Variants in NGDN observed in about 807,000 individuals in gnomAD.
NGDN encodes EIF4E-binding protein.
Under a neutral mutation model 45.2 loss-of-function variants are expected in NGDN, and 41 were observed. That is an observed-to-expected ratio of 0.91 (90% CI 0.71 to 1.18). The LOEUF (loss-of-function observed/expected upper bound fraction) is 1.18, where lower values mean the gene tolerates loss of function less well. NGDN is among the 50% of genes most tolerant of loss of function. NGDN has a pLI of 0.00. For synonymous variants in NGDN, 137 were observed against 130.9 expected, an observed-to-expected ratio of 1.05 and a Z score of -0.32; for missense variants, 402 against 399.9, an observed-to-expected ratio of 1.01 and a Z score of -0.05.
intron 1 of NGDN, 108 bp from the exon 2 acceptor site, chr14:23,469,934 G>T: frequency 7.7e-7 from 1 of 1,292,976 alleles, no homozygotes. Context: ...AAGGCCCCGA[G>T]TCTGGGTGTC....
chr14:23,469,940 G>A, intron 1 of NGDN, 102 bp from the exon 2 acceptor site: 1 of 1,317,944 alleles, frequency 7.6e-7, no homozygotes, highest in Non-Finnish European at 1.1e-6. Flanking sequence ...CCGAGTCTGG[G>A]TGTCTGACGG....
At chr14:23,476,716 GT>G (rs1404415529) in intron 8 of NGDN, among the ~76,000 whole-genome samples, 1 of 152,186 alleles carries the variant, frequency 6.6e-6, no homozygotes, top group Non-Finnish European at 1.5e-5. Context: ...AAGATTCTGT[GT>G]TTCACTGTCA....
In NGDN at chr14:23,477,187, C is replaced by T. The variant is rs376690454; in HGVS notation, c.714-13C>T. On this transcript the variant is annotated splice_polypyrimidine_tract_variant and intron_variant, in intron 8 of 10. Transcript: ENST00000408901. ...ATGGTCTGAGCCTGCTGGAAACTGT[C>T]TTTCTCTGGCAGGATTAACTATGAG... 37 of 1,613,588 alleles carry T rather than the reference C, an allele frequency of 2.3e-5. No homozygotes were observed. The highest frequency in any genetic ancestry group is 3.1e-5 in the Non-Finnish European group (37 of 1,179,764).
chr14:23,471,331 T>C (rs1350024170), intron 3 of NGDN: 1 of 209,666 alleles, frequency 4.8e-6, no homozygotes, highest in Non-Finnish European at 9.4e-6. Context: ...CCTGAAAGTA[T>C]GGTGATAAGG....
At chr14:23,477,657 T>G in intron 10 of NGDN, 97 bp downstream of exon 10, 3 of 1,578,694 alleles carry the variant, frequency 1.9e-6, no homozygotes, top group South Asian at 2.3e-5. Context: ...CCAAGCCCTG[T>G]AGTATCTCTT....
At chr14:23,475,133 AACC>A in intron 3 of NGDN, 35 bp from the exon 4 acceptor site, 1 of 1,586,824 alleles carries the variant, frequency 6.3e-7, no homozygotes, top group Admixed American at 1.9e-5. Flanking sequence ...CTTTGGCTAA[AACC>A]AAATCTGTTT....
At chr14:23,476,499 T>C in intron 8 of NGDN, 92 bp downstream of exon 8, 1 of 1,107,896 alleles carries the variant, frequency 9.0e-7, no homozygotes, top group Non-Finnish European at 1.2e-6. Flanking sequence ...ACCAAGAGAA[T>C]TAATGTTACA....
At chr14:23,472,205 G>C (rs966113382) in intron 3 of NGDN, among the ~76,000 whole-genome samples, 3 of 126,894 alleles carry the variant, frequency 2.4e-5, no homozygotes, top group South Asian at 2.4e-4. Flanking sequence ...AAAAAAAAAA[G>C]GCCAGGCTAA....
chr14:23,471,200 G>C, intron 3 of NGDN: 1 of 383,558 alleles, frequency 2.6e-6, no homozygotes, highest in Non-Finnish European at 4.6e-6. Context: ...GCCAAAGAGA[G>C]GGATTAATTA....
At chr14:23,477,130 G>T (rs1003907336) in intron 8 of NGDN, 70 bp from the exon 9 acceptor site, 2 of 1,490,886 alleles carry the variant, frequency 1.3e-6, no homozygotes, top group South Asian at 1.2e-5. Flanking sequence ...AGATACTTGG[G>T]CCCAGGTTGT....
intron 3 of NGDN, among the ~76,000 whole-genome samples, chr14:23,473,358 C>T (rs762021868): frequency 2.6e-5 from 4 of 152,184 alleles, no homozygotes; most frequent in Non-Finnish European, 5.9e-5. Context: ...TTGCCAGCAT[C>T]CTTCTTAGAT....
chr14:23,478,329 G>C (rs776228282), downstream of NGDN: 190 of 342,878 alleles, frequency 5.5e-4, 2 homozygotes, highest in South Asian at 4.5e-3. Context: ...ACTAAAAATT[G>C]GTTACGTCAC....
chr14:23,475,868 T>G, intron 6 of NGDN, 90 bp downstream of exon 6: 1 of 1,482,086 alleles, frequency 6.7e-7, no homozygotes, highest in Admixed American at 1.9e-5. Flanking sequence ...TGGGATTCTC[T>G]TAGGACTTGA....
intron 10 of NGDN, 174 bp from the exon 11 acceptor site, chr14:23,477,833 A>G (rs1893939814): frequency 8.1e-6 from 12 of 1,482,944 alleles, no homozygotes; most frequent in African/African-American, 1.4e-5. Flanking sequence ...TGAAGGAACC[A>G]TTATCCCATT....
At chr14:23,475,334 T>C in intron 4 of NGDN, 26 bp downstream of exon 4, 1 of 1,592,500 alleles carries the variant, frequency 6.3e-7, no homozygotes, top group Non-Finnish European at 8.5e-7. Context: ...CTTCTTGGAG[T>C]TTTAGGTTTC....
chr14:23,470,958 G>T lies in NGDN; in HGVS notation c.125G>T (p.Gly42Val). The part of the protein sequence containing the change: ...VKSLTQKVQA[G>V]AYPTEKGLSF... ...TCACTGACACAAAAAGTTCAAGCTG[G>T]TGCCTATCCTACAGAAAAGGTAAGA... Residue 42 changes from glycine (G) to valine (V), a missense_variant, in exon 3 of 11, where the codon GGT (glycine) becomes GTT (valine). Physicochemically the swap from Gly to Val is moderately radical, Grantham distance 109. Transcript: ENST00000408901. 6.5e-7 allele frequency: 1 copy of T among 1,548,780 alleles called. No individual in the cohort carries two copies. The highest frequency in any genetic ancestry group is 1.2e-5 in the South Asian group (1 of 80,336).
chr14:23,470,702 C>T (rs1835012693), intron 2 of NGDN, among the ~76,000 whole-genome samples: 1 of 141,974 alleles, frequency 7.0e-6, no homozygotes, highest in Non-Finnish European at 1.5e-5. Context: ...ATGGTCTCTT[C>T]TTTAAGAAGT....
At chr14:23,477,694 TG>T in intron 10 of NGDN, 134 bp downstream of exon 10, 1 of 1,485,832 alleles carries the variant, frequency 6.7e-7, no homozygotes, top group Non-Finnish European at 8.9e-7. Context: ...TCTCCTTAGG[TG>T]GGCTTTTATT....
Position 23,475,198 on chromosome 14 carries a change from C to T in NGDN, c.172C>T (p.Gln58Ter). 9 of 1,613,408 alleles carry T rather than the reference C, an allele frequency of 5.6e-6. No individual in the cohort carries two copies. The highest frequency in any genetic ancestry group is 1.3e-5 in the African/African-American group (1 of 74,960). ...TCTCAGCTTCTTGGAAGTGAAAGAC[C>T]AGCTGCTGCTCATGTACCTTATGGA... The part of the protein sequence containing the change: ...KGLSFLEVKD[Q>*]LLLMYLMDLT... Residue 58 changes from glutamine to a stop codon, truncating the protein, a stop_gained, in exon 4 of 11, where the codon CAG (glutamine) becomes TAG (stop). Transcript: ENST00000408901. LOFTEE classifies it high-confidence loss of function.
Sources: allele counts gnomAD v4.1 joint callset (sites outside exome capture counted in the v4.1 genomes callset), GRCh38; gene constraint gnomAD v4.1.1; transcripts MANE v1.5; gene names NCBI Gene and HGNC (gene_info 2026-07-23, HGNC 2026-07-21).